The following DPY19L3 variants were observed in gnomAD, a reference collection of about 807,000 sequenced individuals.
The protein encoded by DPY19L3 is dpy-19 like C-mannosyltransferase 3.
DPY19L3 carries 51 observed loss-of-function variants against 92.3 expected under a neutral mutation model. That is an observed-to-expected ratio of 0.55 (90% confidence interval 0.44 to 0.70). The LOEUF (loss-of-function observed/expected upper bound fraction) is 0.70. Ranked by LOEUF, DPY19L3 falls within the 30% of genes least tolerant of loss-of-function variation. DPY19L3 has a pLI of 0.00. For missense variants in DPY19L3, 706 were observed against 855.9 expected, an observed-to-expected ratio of 0.82 and a Z score of 2.18; for synonymous variants, 309 against 315.2, an observed-to-expected ratio of 0.98 and a Z score of 0.21.
chr19:32,424,634 A>AC (rs1352886255), intron 3 of DPY19L3, among the ~76,000 whole-genome samples: 1 of 152,154 alleles, frequency 6.6e-6, no homozygotes, highest in East Asian at 1.9e-4. Flanking sequence ...TGTCTCAAAA[A>AC]CAAAAAAAGG....
intron 2 of DPY19L3, 76 bp from the exon 3 acceptor site, chr19:32,411,163 G>A: frequency 6.8e-7 from 1 of 1,466,674 alleles, no homozygotes; most frequent in Admixed American, 2.1e-5. Flanking sequence ...TAGCTTACTT[G>A]ATAATCTGAA....
chr19:32,441,903 T>C (rs1259390231), intron 8 of DPY19L3, among the ~76,000 whole-genome samples: 2 of 152,242 alleles, frequency 1.3e-5, no homozygotes, highest in South Asian at 2.1e-4. Flanking sequence ...AGTTCTAAAC[T>C]TTGTTCAACT....
intron 6 of DPY19L3, among the ~76,000 whole-genome samples, chr19:32,437,651 G>T (rs1969187648): frequency 1.3e-5 from 2 of 151,982 alleles, no homozygotes; most frequent in Middle Eastern, 3.4e-3. Context: ...CTCTTAAAGG[G>T]TTTTTTTAAA....
At chr19:32,434,060 A>T (rs1468261992) in intron 4 of DPY19L3, among the ~76,000 whole-genome samples, 1 of 152,192 alleles carries the variant, frequency 6.6e-6, no homozygotes, top group Non-Finnish European at 1.5e-5. Context: ...AAGCAGGCTT[A>T]GTATTCATTT....
chr19:32,406,641 C>A (rs977312038), intron 1 of DPY19L3, among the ~76,000 whole-genome samples: 3 of 152,200 alleles, frequency 2.0e-5, no homozygotes, highest in African/African-American at 7.2e-5. Context: ...AGCCGCCTCG[C>A]CCGGCTAGCG....
In DPY19L3 at chr19:32,458,356, T is replaced by C; in HGVS notation, c.1169T>C (p.Phe390Ser). 2 of 1,610,178 alleles carry C rather than the reference T, an allele frequency of 1.2e-6. No homozygotes were observed. The highest frequency in any genetic ancestry group is 1.7e-6 in the Non-Finnish European group (2 of 1,179,124). The change falls in exon 12 of 19, where the codon TTT becomes TCT. Residue 390 changes from phenylalanine (F) to serine (S), a missense_variant. Phe to Ser is a radical substitution (Grantham distance 155). Transcript: ENST00000392250. The stretch of plus-strand genomic sequence containing the variant: ...GCTTTCCATTTGTTCCCTAGGGATT[T>C]TGATGCAAATCTCTATCTGTGTGAA... Reference protein sequence around the residue: ...AKFGLGATRDFDANLYLCEEA... With the variant: ...AKFGLGATRDSDANLYLCEEA...
intron 8 of DPY19L3, among the ~76,000 whole-genome samples, chr19:32,445,913 A>G (rs1405597330): frequency 2.0e-5 from 3 of 152,062 alleles, no homozygotes; most frequent in Admixed American, 2.0e-4. Context: ...AGGCTGGAGA[A>G]TTGCTTTGAA....
chr19:32,435,475 T>G (rs929734701), intron 4 of DPY19L3, among the ~76,000 whole-genome samples: 1 of 152,224 alleles, frequency 6.6e-6, no homozygotes, highest in Admixed American at 6.5e-5. Context: ...TGGGATTGAT[T>G]CCTAGACATG....
intron 2 of DPY19L3, among the ~76,000 whole-genome samples, chr19:32,409,088 T>C (rs2145385256): frequency 6.6e-6 from 1 of 152,296 alleles, no homozygotes; most frequent in East Asian, 1.9e-4. Context: ...ACAAAAGTAA[T>C]CTGTAATGGG....
chr19:32,480,539 G>A lies in DPY19L3; in HGVS notation c.1971G>A (p.Leu657=). 6.2e-7 allele frequency: 1 copy of A among 1,613,414 alleles called. No individual in the cohort carries two copies. Among genetic ancestry groups the A allele is most frequent in the East Asian group, 2.2e-5 (1 of 44,878 alleles). ...HRRGCRLRDL[L]DIANGHMMDG... The stretch of plus-strand genomic sequence containing the variant: ...GGGGCTGCCGACTCCGGGACCTGCT[G>A]GACATTGCCAACGGCCACGTGAGCA... Residue 657 remains leucine (L), a synonymous_variant, in exon 18 of 19, where the codon CTG becomes CTA. Transcript: ENST00000392250.
intron 15 of DPY19L3, among the ~76,000 whole-genome samples, chr19:32,466,476 T>C (rs1970205228): frequency 6.6e-6 from 1 of 152,336 alleles, no homozygotes; most frequent in Non-Finnish European, 1.5e-5. Context: ...GGCGGTCCTG[T>C]GTGCTGTAGG....
chr19:32,469,509 A>AG (rs1375010531), intron 16 of DPY19L3, among the ~76,000 whole-genome samples: 1 of 151,492 alleles, frequency 6.6e-6, no homozygotes, highest in Non-Finnish European at 1.5e-5. Flanking sequence ...AAAAAAAAAA[A>AG]GAAAGAAAAA....
intron 15 of DPY19L3, chr19:32,468,519 T>C (rs4513218): frequency 0.83 from 1,012,919 of 1,215,460 alleles, 422,951 homozygotes; most frequent in African/African-American, 0.97. Context: ...TCCTAATTAG[T>C]TTCAGCTGAA....
chr19:32,458,466 A>C lies in DPY19L3; in HGVS notation c.1279A>C (p.Ile427Leu), dbSNP rs1320251527. 6.2e-7 allele frequency: 1 copy of C among 1,613,360 alleles called. No homozygotes were observed. Among genetic ancestry groups the C allele is most frequent in the Non-Finnish European group, 8.5e-7 (1 of 1,179,916 alleles). ...TTATGCTTACATATTCGTTCTGTCC[A>C]TCACAGTGATTGTAGCATTCGTTGT... ...LFYAYIFVLSITVIVAFVVAF... is the reference protein window; with the variant it reads ...LFYAYIFVLSLTVIVAFVVAF... Residue 427 changes from isoleucine to leucine, a missense_variant, in exon 12 of 19, where the codon ATC (isoleucine) becomes CTC (leucine). Transcript: ENST00000392250.
rs1319723779 is a variant in DPY19L3, at chr19:32,458,122, A to T, written c.1112A>T (p.Asp371Val). 6.2e-7 allele frequency: 1 copy of T among 1,613,792 alleles called. No homozygotes were observed. The highest frequency in any genetic ancestry group is 2.2e-5 in the East Asian group (1 of 44,866). Residue 371 changes from aspartate to valine, a missense_variant, in exon 11 of 19, where the codon GAT (aspartate) becomes GTT (valine). Transcript: ENST00000392250. ...IIKKILNLKS[D>V]EHIFKFLKAK... ...TAGAAAATTCTTAACCTGAAGTCAGATGAACACATATTTAAATTTCTGAAG... is the reference window on the plus strand; with the variant it reads ...TAGAAAATTCTTAACCTGAAGTCAGTTGAACACATATTTAAATTTCTGAAG...
At chr19:32,450,273 G>T (rs1003472468) in intron 8 of DPY19L3, among the ~76,000 whole-genome samples, 3 of 152,074 alleles carry the variant, frequency 2.0e-5, no homozygotes, top group Non-Finnish European at 4.4e-5. Flanking sequence ...CTCATACATT[G>T]ATGATGATGG....
rs372106172 is a variant in DPY19L3, at chr19:32,429,871, A to C, written c.238-2845A>C. On this transcript the variant is annotated intron_variant, in intron 3 of 18. Coordinates refer to ENST00000392250, the MANE Select transcript of DPY19L3 (RefSeq NM_001172774.2). ...AGCCTCTGTGGTTATTTGAATGAGTAGGAGTTTGGACATTCTAGAAACGAG... is the reference window on the plus strand; with the variant it reads ...AGCCTCTGTGGTTATTTGAATGAGTCGGAGTTTGGACATTCTAGAAACGAG... 2.1e-4 allele frequency among the ~76,000 whole-genome samples: 32 copies of C among 152,342 alleles called. No individual in the cohort carries two copies. The East Asian group carries it at 5.8e-3, about 28-fold the overall frequency.
intron 9 of DPY19L3, 34 bp from the exon 10 acceptor site, chr19:32,454,905 T>A (rs761864606): frequency 2.2e-6 from 3 of 1,366,808 alleles, no homozygotes; most frequent in South Asian, 2.6e-5. Flanking sequence ...ATATTAAAAC[T>A]TAAGAATTAA....
intron 8 of DPY19L3, among the ~76,000 whole-genome samples, chr19:32,443,103 C>T (rs539349231): frequency 4.3e-4 from 65 of 152,318 alleles, no homozygotes; most frequent in Non-Finnish European, 8.4e-4. Context: ...CTGCCCTACC[C>T]CATGCTGTCG....
Sources: allele counts gnomAD v4.1 joint callset (sites outside exome capture counted in the v4.1 genomes callset), GRCh38; gene constraint gnomAD v4.1.1; transcripts MANE v1.5; gene names NCBI Gene and HGNC (gene_info 2026-07-23, HGNC 2026-07-21).